COX7B2: variants seen among roughly 807,000 people sequenced by gnomAD.
COX7B2 encodes the protein cytochrome c oxidase subunit 7B2, mitochondrial.
For missense variants in COX7B2, 109 were observed against 95.9 expected (o/e 1.14, Z -0.57); for synonymous variants, 37 against 32.1 (o/e 1.15, Z -0.51).
intron 1 of COX7B2, among the ~76,000 whole-genome samples, chr4:46,892,659 A>G (rs1261705840): frequency 6.6e-6 from 1 of 152,214 alleles, no homozygotes; most frequent in African/African-American, 2.4e-5. Context: ...TTATCAACAG[A>G]GAAAATCAAA....
chr4:46,845,197 C>A (rs900584330), intron 1 of COX7B2, among the ~76,000 whole-genome samples, 183 bp from the exon 2 acceptor site: 1 of 151,914 alleles, frequency 6.6e-6, no homozygotes, highest in Non-Finnish European at 1.5e-5. Context: ...AAGGAAGCAT[C>A]GTAAAGCACA....
chr4:46,761,671 G>T (rs12511862), intron 2 of COX7B2, among the ~76,000 whole-genome samples: 49,864 of 151,826 alleles, frequency 0.33, 8,434 homozygotes, highest in South Asian at 0.47. Flanking sequence ...AAACTCAAAG[G>T]TTCATTGCTT....
intron 2 of COX7B2, among the ~76,000 whole-genome samples, chr4:46,798,722 A>T (rs1279485497): frequency 6.6e-6 from 1 of 152,156 alleles, no homozygotes. Context: ...GTGTTTTCTG[A>T]CATACCAAGC....
Position 46,819,987 on chromosome 4 carries a change from A to G in COX7B2, c.-50+24973T>C, listed in dbSNP as rs141757082. Reference sequence around the variant, plus strand: ...ATTGCATCTCTTCTTCAAAGCTGACATATGACCCCCAACATTTTTGGTACC... The same window carrying G: ...ATTGCATCTCTTCTTCAAAGCTGACGTATGACCCCCAACATTTTTGGTACC... On this transcript the variant is annotated intron_variant, in intron 2 of 2. Transcript: ENST00000355591. Among the ~76,000 whole-genome samples the G allele has an allele frequency of 7.9e-3, 1,210 of 152,340 alleles. 17 individuals are homozygous for G. The highest frequency in any genetic ancestry group is 0.028 in the African/African-American group (1,165 of 41,572).
intron 2 of COX7B2, among the ~76,000 whole-genome samples, chr4:46,825,513 C>A (rs916740190): frequency 6.6e-6 from 1 of 152,056 alleles, no homozygotes; most frequent in African/African-American, 2.4e-5. Context: ...ACATTCTTCA[C>A]AGAACTAGAA....
chr4:46,797,772 G>A (rs981228389), intron 2 of COX7B2, among the ~76,000 whole-genome samples: 1 of 152,182 alleles, frequency 6.6e-6, no homozygotes, highest in Non-Finnish European at 1.5e-5. Context: ...TAATAAGGTG[G>A]TGACTCTAAT....
At chr4:46,754,724 G>GTATATATATA (rs776374967) in intron 2 of COX7B2, among the ~76,000 whole-genome samples, 8 of 46,826 alleles carry the variant, frequency 1.7e-4, no homozygotes, top group Non-Finnish European at 2.6e-4. Context: ...GTGTGTGTGT[G>GTATATATATA]TGTGTATATA....
chr4:46,810,864 T>C (rs2109661007), intron 2 of COX7B2, among the ~76,000 whole-genome samples: 1 of 152,314 alleles, frequency 6.6e-6, no homozygotes, highest in South Asian at 2.1e-4. Flanking sequence ...TATGCTTGTC[T>C]GTCAAAGAAG....
At chr4:46,816,035 T>A (rs1402611051) in intron 2 of COX7B2, among the ~76,000 whole-genome samples, 1 of 152,182 alleles carries the variant, frequency 6.6e-6, no homozygotes, top group African/African-American at 2.4e-5. Context: ...GCCCTCCTTA[T>A]ATCCTCACCA....
rs112355698 is a variant in COX7B2 at position 46,784,348 on chromosome 4, C to T, written c.-49-49107G>A. Among the ~76,000 whole-genome samples the T allele has an allele frequency of 3.8e-3, 585 of 152,118 alleles. 4 individuals carry two copies. Among genetic ancestry groups the T allele is most frequent in the African/African-American group, 0.013 (545 of 41,474 alleles). ...AGATTAAAAAGACTTAGAAAAGGGC[C>T]GGGTGCGGTGGCTTATGCCTGTAAT... On this transcript the variant is annotated intron_variant, in intron 2 of 2. Coordinates refer to ENST00000355591, the MANE Select transcript of COX7B2 (RefSeq NM_130902.3).
intron 1 of COX7B2, among the ~76,000 whole-genome samples, chr4:46,875,880 G>A (rs1287938787): frequency 6.6e-6 from 1 of 151,944 alleles, no homozygotes; most frequent in Non-Finnish European, 1.5e-5. Flanking sequence ...CAACTGAAGT[G>A]TTATAAATTC....
At chr4:46,795,603 C>G (rs1307421743) in intron 2 of COX7B2, among the ~76,000 whole-genome samples, 5 of 124,932 alleles carry the variant, frequency 4.0e-5, no homozygotes, top group South Asian at 2.7e-4. Flanking sequence ...GTTACTGTAG[C>G]CTTGTAGTAT....
At chr4:46,876,088 G>T (rs9291290) in intron 1 of COX7B2, among the ~76,000 whole-genome samples, 56,076 of 151,706 alleles carry the variant, frequency 0.37, 10,571 homozygotes, top group South Asian at 0.52. Flanking sequence ...ACAGTGCTTT[G>T]TCAGTGCTGG....
At chr4:46,887,176 A>G (rs552047910) in intron 1 of COX7B2, among the ~76,000 whole-genome samples, 1 of 152,364 alleles carries the variant, frequency 6.6e-6, no homozygotes, top group African/African-American at 2.4e-5. Flanking sequence ...GAAGCATTTT[A>G]AGGAATACAT....
At chr4:46,844,351 T>A (rs141139184) in intron 2 of COX7B2, among the ~76,000 whole-genome samples, 1 of 151,936 alleles carries the variant, frequency 6.6e-6, no homozygotes, top group Non-Finnish European at 1.5e-5. Flanking sequence ...GACACGGTCA[T>A]GGATAAGGAC....
intron 2 of COX7B2, among the ~76,000 whole-genome samples, chr4:46,820,852 T>G (rs1007819987): frequency 1.3e-5 from 2 of 148,154 alleles, no homozygotes; most frequent in Non-Finnish European, 3.0e-5. Context: ...TATATATATA[T>G]AGATAGATAG....
At chr4:46,847,918 C>G (rs998170270) in intron 1 of COX7B2, among the ~76,000 whole-genome samples, 2 of 151,974 alleles carry the variant, frequency 1.3e-5, no homozygotes, top group Non-Finnish European at 2.9e-5. Flanking sequence ...TATTTTACCC[C>G]CTCTTAGCAG....
At chr4:46,805,814 C>G (rs1718969243) in intron 2 of COX7B2, among the ~76,000 whole-genome samples, 1 of 152,016 alleles carries the variant, frequency 6.6e-6, no homozygotes, top group Non-Finnish European at 1.5e-5. Flanking sequence ...ATATATAAAA[C>G]AAAATAAAAG....
chr4:46,759,028 T>C (rs956235943), intron 2 of COX7B2, among the ~76,000 whole-genome samples: 2 of 152,148 alleles, frequency 1.3e-5, no homozygotes, highest in African/African-American at 2.4e-5. Flanking sequence ...TGCAGGTTTA[T>C]GCACAATCTC....
Sources: allele counts gnomAD v4.1 joint callset (sites outside exome capture counted in the v4.1 genomes callset), GRCh38; gene constraint gnomAD v4.1.1; transcripts MANE v1.5; gene names NCBI Gene and HGNC (gene_info 2026-07-23, HGNC 2026-07-21).